Variants in ABCB10 observed in about 807,000 individuals in gnomAD.
The protein encoded by ABCB10 is ATP-binding cassette sub-family B member 10, mitochondrial.
ABCB10 carries 54 observed loss-of-function variants against 65.4 expected under a neutral mutation model. That is an observed-to-expected ratio of 0.83 (90% CI 0.66 to 1.04). The LOEUF is 1.04. Ranked by LOEUF, ABCB10 falls within the 50% of genes least tolerant of loss-of-function variation. The pLI is 0.00. For synonymous variants in ABCB10, 418 were observed against 406.5 expected, an observed-to-expected ratio of 1.03 and a Z score of -0.34; for missense variants, 846 against 976.6, an observed-to-expected ratio of 0.87 and a Z score of 1.78.
intron 1 of ABCB10, among the ~76,000 whole-genome samples, chr1:229,551,166 G>A (rs188790166): frequency 6.6e-6 from 1 of 152,260 alleles, no homozygotes; most frequent in Non-Finnish European, 1.5e-5. Flanking sequence ...AGAGTTCTAG[G>A]AAAAACATGG....
chr1:229,522,937 G>A (rs564187219), intron 10 of ABCB10, among the ~76,000 whole-genome samples: 12 of 151,834 alleles, frequency 7.9e-5, no homozygotes, highest in African/African-American at 2.4e-4. Flanking sequence ...GCAACCTCTC[G>A]CTCCTGGGCT....
chr1:229,519,537 C>T lies in ABCB10; in HGVS notation c.1951-662G>A, dbSNP rs528258741. ...ACGTGGTGGCTCACGACTGTAATCC[C>T]GGCAATTTGGGAGGCCGAGGCAGGT... On this transcript the variant is annotated intron_variant, in intron 11 of 12. Coordinates refer to ENST00000344517, the MANE Select transcript of ABCB10 (RefSeq NM_012089.3). 6.6e-5 allele frequency among the ~76,000 whole-genome samples: 10 copies of T among 152,264 alleles called. No individual in the cohort carries two copies. In the South Asian group the frequency reaches 1.0e-3, roughly 16 times the overall value.
chr1:229,558,069 C>T, intron 1 of ABCB10, 67 bp downstream of exon 1: 1 of 1,264,566 alleles, frequency 7.9e-7, no homozygotes, highest in Non-Finnish European at 1.0e-6. Flanking sequence ...TCCCTCTCGG[C>T]GCCCCGGGAC....
At chr1:229,526,214 G>T (rs1039073320) in intron 9 of ABCB10, 98 bp from the exon 10 acceptor site, 6 of 1,245,980 alleles carry the variant, frequency 4.8e-6, no homozygotes, top group African/African-American at 3.0e-5. Flanking sequence ...TTTATGTTTT[G>T]CCATGAACAG....
In ABCB10 at chr1:229,519,819, GTAAA is replaced by G. The variant is rs71563405; in HGVS notation, c.1951-948_1951-945del. On this transcript the variant is annotated intron_variant, in intron 11 of 12. Transcript: ENST00000344517. ...ATAAATAAATAAAGTAAGTAAGTAAGTAAATAAATAAATAAAATGAGTAAGGCTG... is the reference window on the plus strand; with the variant it reads ...ATAAATAAATAAAGTAAGTAAGTAAGTAAATAAATAAAATGAGTAAGGCTG... Among the ~76,000 whole-genome samples, 454 of 150,478 alleles carry G rather than the reference GTAAA, an allele frequency of 3.0e-3. 2 individuals are homozygous for G. The highest frequency in any genetic ancestry group is 0.011 in the African/African-American group (443 of 40,936).
At chr1:229,522,061 G>A (rs1281844260) in intron 10 of ABCB10, among the ~76,000 whole-genome samples, 1 of 151,852 alleles carries the variant, frequency 6.6e-6, no homozygotes, top group Non-Finnish European at 1.5e-5. Flanking sequence ...GTTTTGCCAT[G>A]TTGCCCAGGC....
At position 229,525,942 on chromosome 1, in the gene ABCB10, G is replaced by A. The variant is rs766824942; in HGVS notation, c.1900C>T (p.Leu634Phe). ...NTVVGEKGVLLSGGQKQRIAI... is the reference protein window; with the variant it reads ...NTVVGEKGVLFSGGQKQRIAI... The stretch of plus-strand genomic sequence containing the variant: ...AAGCAGTAAAGAAATGCACCTGAGA[G>A]GAGAACACCCTTTTCTCCAACCACA... The change falls in exon 10 of 13, where the codon CTC becomes TTC. Residue 634 changes from leucine (L) to phenylalanine (F), a missense_variant. Physicochemically the swap from Leu to Phe is conservative, Grantham distance 22. Transcript: ENST00000344517. 3.1e-6 allele frequency: 5 copies of A among 1,612,506 alleles called. No individual in the cohort carries two copies. Among genetic ancestry groups the A allele is most frequent in the Non-Finnish European group, 4.2e-6 (5 of 1,179,232 alleles).
intron 1 of ABCB10, among the ~76,000 whole-genome samples, chr1:229,555,438 C>T (rs370463169): frequency 5.9e-5 from 9 of 152,382 alleles, no homozygotes; most frequent in East Asian, 5.8e-4. Flanking sequence ...AAAGGGGCGG[C>T]TTAGGCCTTC....
intron 2 of ABCB10, among the ~76,000 whole-genome samples, chr1:229,548,729 C>A (rs1008974865): frequency 6.7e-6 from 1 of 148,382 alleles, no homozygotes; most frequent in Non-Finnish European, 1.5e-5. Flanking sequence ...GTGGTATGAT[C>A]TGGGCTCACT....
intron 11 of ABCB10, among the ~76,000 whole-genome samples, chr1:229,520,634 C>T (rs1191909579): frequency 6.6e-6 from 1 of 152,036 alleles, no homozygotes; most frequent in Non-Finnish European, 1.5e-5. Flanking sequence ...TTCACAATAG[C>T]CCCAAACTGG....
At chr1:229,541,919 G>A (rs1296210037) in intron 4 of ABCB10, among the ~76,000 whole-genome samples, 2 of 146,226 alleles carry the variant, frequency 1.4e-5, no homozygotes, top group Admixed American at 1.4e-4. Flanking sequence ...AGCCTAGAGT[G>A]CATGAAAAAA....
chr1:229,529,667 CAAAA>C (rs969766089), intron 8 of ABCB10, among the ~76,000 whole-genome samples: 3 of 23,208 alleles, frequency 1.3e-4, no homozygotes, highest in African/African-American at 3.7e-4. Context: ...AAGACTGTCT[CAAAA>C]AAAAAAAAAA....
chr1:229,553,259 C>T (rs1456612256), intron 1 of ABCB10, among the ~76,000 whole-genome samples: 4 of 151,972 alleles, frequency 2.6e-5, no homozygotes, highest in Admixed American at 6.6e-5. Context: ...TACAGGCATG[C>T]GCCACTATGC....
intron 6 of ABCB10, among the ~76,000 whole-genome samples, chr1:229,537,676 G>C (rs1240047386): frequency 2.6e-5 from 4 of 152,148 alleles, no homozygotes; most frequent in Non-Finnish European, 4.4e-5. Flanking sequence ...TGTAGTCCCA[G>C]CTACTTGGAA....
At chr1:229,555,293 C>G (rs533136429) in intron 1 of ABCB10, among the ~76,000 whole-genome samples, 14 of 152,358 alleles carry the variant, frequency 9.2e-5, no homozygotes, top group African/African-American at 3.4e-4. Flanking sequence ...TGTCGCTTAT[C>G]CCATCAATCC....
intron 8 of ABCB10, among the ~76,000 whole-genome samples, chr1:229,529,074 G>A (rs1266714082): frequency 2.6e-5 from 4 of 151,752 alleles, no homozygotes; most frequent in Non-Finnish European, 4.4e-5. Context: ...GGTGGATCAC[G>A]AGGTCAGGAG....
At chr1:229,531,404 A>T (rs910234716) in intron 7 of ABCB10, among the ~76,000 whole-genome samples, 1 of 152,156 alleles carries the variant, frequency 6.6e-6, no homozygotes, top group East Asian at 1.9e-4. Context: ...GCAGCACACT[A>T]TGTGGCCAGC....
intron 8 of ABCB10, among the ~76,000 whole-genome samples, chr1:229,528,812 G>A (rs546288942): frequency 1.3e-5 from 2 of 151,992 alleles, no homozygotes; most frequent in African/African-American, 4.8e-5. Context: ...ACAGGTGTGG[G>A]GCTCCACATC....
At chr1:229,548,491 G>A (rs1663022015) in intron 2 of ABCB10, among the ~76,000 whole-genome samples, 1 of 151,966 alleles carries the variant, frequency 6.6e-6, no homozygotes, top group South Asian at 2.1e-4. Context: ...TCATTATTGT[G>A]GCAGTGACCT....
Sources: allele counts gnomAD v4.1 joint callset (sites outside exome capture counted in the v4.1 genomes callset), GRCh38; gene constraint gnomAD v4.1.1; transcripts MANE v1.5; gene names NCBI Gene and HGNC (gene_info 2026-07-23, HGNC 2026-07-21).